MXD4: variants seen among roughly 807,000 people sequenced by gnomAD.
MXD4 encodes MAX dimerization protein 4.
Under a neutral mutation model 24.5 loss-of-function variants are expected in MXD4, and 16 were observed. That is an observed-to-expected ratio of 0.65 (90% confidence interval 0.44 to 0.99). The LOEUF (loss-of-function observed/expected upper bound fraction) is 0.99, where lower values mean the gene tolerates loss of function less well. Among genes scored for constraint, MXD4 ranks in the 50% least tolerant of loss-of-function variants. The probability of loss-of-function intolerance (pLI) is 0.00; values close to 1 mark genes in which losing one functional copy is unlikely to be tolerated. For missense variants in MXD4, 301 were observed against 301.5 expected (o/e 1.00, Z 0.01); for synonymous variants, 164 against 134.2 (o/e 1.22, Z -1.54).
At position 2,262,073 on chromosome 4, in the gene MXD4, G is replaced by A. The variant is rs923828803; in HGVS notation, c.-93C>T. Reference sequence around the variant, plus strand: ...GCTCGCCGCCCACCCCGCGCGCCCGGCCGCCGCACTTCCAGACTCCGCGGA... The same window carrying A: ...GCTCGCCGCCCACCCCGCGCGCCCGACCGCCGCACTTCCAGACTCCGCGGA... On this transcript the variant is annotated 5_prime_UTR_variant, in exon 1 of 6. Coordinates refer to ENST00000337190, the MANE Select transcript of MXD4 (RefSeq NM_006454.3). 2 of 677,238 alleles carry A rather than the reference G, an allele frequency of 3.0e-6. No homozygotes were observed. Among genetic ancestry groups the A allele is most frequent in the Non-Finnish European group, 3.6e-6 (2 of 548,894 alleles). 42.0% of individuals were successfully genotyped at this position (677,238 alleles called of 1,614,324 possible).
At chr4:2,257,477 C>G (rs1224672854) in intron 3 of MXD4, among the ~76,000 whole-genome samples, 4 of 152,242 alleles carry the variant, frequency 2.6e-5, no homozygotes, top group African/African-American at 9.6e-5. Flanking sequence ...CTGCCTCCGG[C>G]TGTCACCAGG....
At position 2,249,010 on chromosome 4, in the gene MXD4, A is replaced by G. The variant is rs1735255640; in HGVS notation, c.*1534T>C. ...GGAAGCAGGGGGCTCGAGTCAGGTG[A>G]CAGGTGAGAATCCATCTCTCTAGTG... On this transcript the variant is annotated 3_prime_UTR_variant, in exon 6 of 6. Coordinates refer to ENST00000337190, the MANE Select transcript of MXD4 (RefSeq NM_006454.3). 1 of 152,346 alleles carries G rather than the reference A, an allele frequency of 6.6e-6. No individual in the cohort carries two copies. Among genetic ancestry groups the G allele is most frequent in the Admixed American group, 6.5e-5 (1 of 15,290 alleles). The allele number at this position is 152,346 out of a possible 1,614,324, so 9.4% of individuals were successfully genotyped here.
At position 2,250,140 on chromosome 4, in the gene MXD4, G is replaced by A. The variant is rs1250349419; in HGVS notation, c.*404C>T. 12 of 195,932 alleles carry A rather than the reference G, an allele frequency of 6.1e-5. No individual in the cohort carries two copies. Among genetic ancestry groups the A allele is most frequent in the Non-Finnish European group, 1.3e-4 (12 of 94,412 alleles). The allele number at this position is 195,932 out of a possible 1,614,324, so 12.1% of individuals were successfully genotyped here. ...ACAGCCTTGCCTTCCTTCCTTCCTCGGTCCACTCCTTTCTCCTGGGATCCA... is the reference window on the plus strand; with the variant it reads ...ACAGCCTTGCCTTCCTTCCTTCCTCAGTCCACTCCTTTCTCCTGGGATCCA... On this transcript the variant is annotated 3_prime_UTR_variant, in exon 6 of 6. Coordinates refer to ENST00000337190, the MANE Select transcript of MXD4 (RefSeq NM_006454.3).
intron 5 of MXD4, 22 bp from the exon 6 acceptor site, chr4:2,250,723 T>C: frequency 6.2e-7 from 1 of 1,609,922 alleles, no homozygotes. Flanking sequence ...AGAGTGGGGA[T>C]GGGGTCAGGC....
At chr4:2,252,240 T>C (rs1043587065) in intron 4 of MXD4, among the ~76,000 whole-genome samples, 168 bp downstream of exon 4, 1 of 152,144 alleles carries the variant, frequency 6.6e-6, no homozygotes, top group African/African-American at 2.4e-5. Flanking sequence ...TCCTCCACCC[T>C]GGCAAAACCC....
rs1226726180 is a variant in MXD4 at position 2,253,713 on chromosome 4, C to T, written c.195-1191G>A. 3 of 152,234 alleles carry T rather than the reference C, an allele frequency of 2.0e-5. 1 individual carries two copies. The highest frequency in any genetic ancestry group is 1.3e-4 in the Admixed American group (2 of 15,278). 9.4% of individuals were successfully genotyped at this position (152,234 alleles called of 1,614,324 possible). A position where few individuals can be genotyped will look rare whatever the true frequency, so the allele number is the denominator to read the frequency against. On this transcript the variant is annotated intron_variant, in intron 3 of 5. Coordinates refer to ENST00000337190, the MANE Select transcript of MXD4 (RefSeq NM_006454.3). ...GTAACGTCGGCAGGGACAGCCATTTCCTCTGGACAGAGGAGGAGCCTGAAG... is the reference window on the plus strand; with the variant it reads ...GTAACGTCGGCAGGGACAGCCATTTTCTCTGGACAGAGGAGGAGCCTGAAG...
chr4:2,259,815 G>C (rs1225769289), intron 2 of MXD4, among the ~76,000 whole-genome samples: 1 of 152,100 alleles, frequency 6.6e-6, no homozygotes, highest in South Asian at 2.1e-4. Flanking sequence ...CAGCATTCCC[G>C]TGACCCCAGG....
chr4:2,253,529 G>C (rs1290316578), intron 3 of MXD4: 1 of 152,236 alleles, frequency 6.6e-6, no homozygotes, highest in Non-Finnish European at 1.5e-5. Flanking sequence ...GAAGGGGCAG[G>C]AATATTTTTT....
chr4:2,251,003 G>A, intron 5 of MXD4, 81 bp downstream of exon 5: 1 of 1,430,828 alleles, frequency 7.0e-7, no homozygotes, highest in Non-Finnish European at 9.2e-7. Context: ...CCCAGCACCA[G>A]GCACCTCCTC....
intron 3 of MXD4, chr4:2,255,490 C>A: frequency 2.3e-6 from 1 of 435,194 alleles, no homozygotes; most frequent in South Asian, 1.6e-5. Flanking sequence ...GCAGCAGTGG[C>A]CTGGAGCCAA....
At position 2,258,021 on chromosome 4, in the gene MXD4, AAGAC is replaced by A. The variant is rs1349678380; in HGVS notation, c.165-14_165-11del. On this transcript the variant is annotated splice_polypyrimidine_tract_variant and intron_variant, in intron 2 of 5. Coordinates refer to ENST00000337190, the MANE Select transcript of MXD4 (RefSeq NM_006454.3). ...CTCGTTGTGTGAAGACCTGTTTAGA[AAGAC>A]AGAAAGACAGAGCTCACTCTTCTGC... The A allele has an allele frequency of 8.7e-6, 14 of 1,613,538 alleles. No individual in the cohort carries two copies. Among genetic ancestry groups the A allele is most frequent in the Admixed American group, 3.3e-5 (2 of 60,016 alleles).
rs1735558949 is a variant in MXD4, at chr4:2,261,998, T to C, written c.-18A>G. On this transcript the variant is annotated 5_prime_UTR_variant, in exon 1 of 6. Transcript: ENST00000337190. ...AGCTCCATCCTCCCGCCCGCGCCCGTCCGCCCCGGGACGGCGGCGGCCGCT... is the reference window on the plus strand; with the variant it reads ...AGCTCCATCCTCCCGCCCGCGCCCGCCCGCCCCGGGACGGCGGCGGCCGCT... 1 of 1,280,736 alleles carries C rather than the reference T, an allele frequency of 7.8e-7. No individual in the cohort carries two copies. Among genetic ancestry groups the C allele is most frequent in the South Asian group, 2.0e-5 (1 of 48,944 alleles). The allele number at this position is 1,280,736 out of a possible 1,614,324, so 79.3% of individuals were successfully genotyped here. A position where few individuals can be genotyped will look rare whatever the true frequency, so the allele number is the denominator to read the frequency against.
At chr4:2,255,393 G>A (rs1174904920) in intron 3 of MXD4, 12 of 456,130 alleles carry the variant, frequency 2.6e-5, no homozygotes, top group Non-Finnish European at 4.0e-5. Context: ...CCACACACAC[G>A]CACTGTCCAA....
rs545016177 is a variant in MXD4, at chr4:2,256,053, C to G, written c.194+1929G>C. Among the ~76,000 whole-genome samples the G allele has an allele frequency of 3.5e-3, 530 of 152,348 alleles. 1 individual carries two copies. Among genetic ancestry groups the G allele is most frequent in the Non-Finnish European group, 6.0e-3 (411 of 68,032 alleles). ...GGCTGCAGGGGGCTCCTGGGGACCT[C>G]CTGGACGTGCCTGGGGGAATGTGGG... On this transcript the variant is annotated intron_variant, in intron 3 of 5. Coordinates refer to ENST00000337190, the MANE Select transcript of MXD4 (RefSeq NM_006454.3).
rs138592502 is a variant in MXD4 at position 2,248,026 on chromosome 4, C to A, written c.*2518G>T. The A allele has an allele frequency of 2.1e-4, 32 of 152,430 alleles. No homozygotes were observed. Among genetic ancestry groups the A allele is most frequent in the African/African-American group, 7.0e-4 (29 of 41,574 alleles). The allele number at this position is 152,430 out of a possible 1,614,324, so 9.4% of individuals were successfully genotyped here. On this transcript the variant is annotated 3_prime_UTR_variant, in exon 6 of 6. Transcript: ENST00000337190. Reference sequence around the variant, plus strand: ...GAGGGCACACGCAGAGGCTCAGGAGCCCCGGGCTCTGTTCTGCTTCTGTCT... The same window carrying A: ...GAGGGCACACGCAGAGGCTCAGGAGACCCGGGCTCTGTTCTGCTTCTGTCT...
In MXD4 at chr4:2,261,392, G is replaced by A. The variant is rs569609793; in HGVS notation, c.164+333C>T. On this transcript the variant is annotated intron_variant, in intron 2 of 5. Coordinates refer to ENST00000337190, the MANE Select transcript of MXD4 (RefSeq NM_006454.3). ...CACGGGGCACCGGCCAGCGCCCGCT[G>A]ACAACTTTTCTACCGCCTGGAAAAG... Among the ~76,000 whole-genome samples the A allele has an allele frequency of 9.2e-5, 14 of 152,286 alleles. No homozygotes were observed. In the South Asian group the frequency reaches 2.7e-3, roughly 29 times the overall value.
At chr4:2,258,146 G>A in intron 2 of MXD4, 135 bp from the exon 3 acceptor site, 1 of 1,061,616 alleles carries the variant, frequency 9.4e-7, no homozygotes, top group Non-Finnish European at 1.4e-6. Context: ...GCCCAGAGCA[G>A]TGAGGCCTGG....
At chr4:2,252,714 C>T in intron 3 of MXD4, 192 bp from the exon 4 acceptor site, 1 of 548,624 alleles carries the variant, frequency 1.8e-6, no homozygotes. Flanking sequence ...CACCCACAGC[C>T]CCCAGACACC....
rs534437126 is a variant in MXD4 at position 2,257,631 on chromosome 4, G to A, written c.194+351C>T. Among the ~76,000 whole-genome samples the A allele has an allele frequency of 2.6e-5, 4 of 152,374 alleles. No individual in the cohort carries two copies. The South Asian group carries it at 6.2e-4, about 24-fold the overall frequency. On this transcript the variant is annotated intron_variant, in intron 3 of 5. Transcript: ENST00000337190. Reference sequence around the variant, plus strand: ...ACGGCTTCTTGGAAGGCAGACCCCAGGATGCACAGGGCAGAGAGCCGAACC... The same window carrying A: ...ACGGCTTCTTGGAAGGCAGACCCCAAGATGCACAGGGCAGAGAGCCGAACC...
Sources: allele counts gnomAD v4.1 joint callset (sites outside exome capture counted in the v4.1 genomes callset), GRCh38; gene constraint gnomAD v4.1.1; transcripts MANE v1.5; gene names NCBI Gene and HGNC (gene_info 2026-07-23, HGNC 2026-07-21).